Variants in GSG1L observed in about 807,000 individuals in gnomAD.
GSG1L encodes the protein GSG1 like, also known as germ cell-specific gene 1-like protein.
In GSG1L, 24 loss-of-function variants were observed where a neutral mutation model predicts 42.1. The ratio of observed to expected loss-of-function variants is 0.57; its 90% CI spans 0.41 to 0.80. The LOEUF (loss-of-function observed/expected upper bound fraction) is 0.80, where lower values mean the gene tolerates loss of function less well. Ranked by LOEUF, GSG1L falls within the 30% of genes least tolerant of loss-of-function variation. GSG1L has a pLI of 0.00. For missense variants in GSG1L, 445 were observed against 472.2 expected, an observed-to-expected ratio of 0.94 and a Z score of 0.53; for synonymous variants, 215 against 203.5, an observed-to-expected ratio of 1.06 and a Z score of -0.48.
intron 1 of GSG1L, among the ~76,000 whole-genome samples, chr16:28,056,673 C>T (rs1445968853): frequency 6.6e-6 from 1 of 151,994 alleles, no homozygotes; most frequent in Non-Finnish European, 1.5e-5. Context: ...GTGCTGCCTC[C>T]GAGAGCCTGG....
chr16:27,830,640 G>A (rs1024956708), intron 4 of GSG1L, among the ~76,000 whole-genome samples: 5 of 152,134 alleles, frequency 3.3e-5, no homozygotes, highest in Non-Finnish European at 7.3e-5. Flanking sequence ...GAGCTTCCCT[G>A]TCCACCAAAG....
At chr16:28,024,940 G>T (rs2085883454) in intron 1 of GSG1L, among the ~76,000 whole-genome samples, 1 of 152,168 alleles carries the variant, frequency 6.6e-6, no homozygotes, top group African/African-American at 2.4e-5. Flanking sequence ...AGCCCTCAAA[G>T]TGCCCAGCAC....
chr16:27,790,855 C>T lies in GSG1L; in HGVS notation c.*515G>A. On this transcript the variant is annotated 3_prime_UTR_variant, in exon 7 of 7. Transcript: ENST00000447459. ...GGGTGGGGCAATGACAGGGCAGCCACAGCCCACAGAGCAACTGGCCTCCAT... is the reference window on the plus strand; with the variant it reads ...GGGTGGGGCAATGACAGGGCAGCCATAGCCCACAGAGCAACTGGCCTCCAT... 1 of 152,900 alleles carries T rather than the reference C, an allele frequency of 6.5e-6. No individual in the cohort carries two copies. Among genetic ancestry groups the T allele is most frequent in the Non-Finnish European group, 1.5e-5 (1 of 68,420 alleles). 9.5% of individuals were successfully genotyped at this position (152,900 alleles called of 1,614,324 possible). A position where few individuals can be genotyped will look rare whatever the true frequency, so the allele number is the denominator to read the frequency against.
At chr16:27,961,668 G>T (rs1471911592) in intron 2 of GSG1L, among the ~76,000 whole-genome samples, 1 of 152,184 alleles carries the variant, frequency 6.6e-6, no homozygotes, top group Non-Finnish European at 1.5e-5. Context: ...GCCATGCAGT[G>T]GTCATATTAT....
intron 1 of GSG1L, among the ~76,000 whole-genome samples, chr16:28,019,711 G>A (rs952046224): frequency 7.9e-5 from 12 of 152,202 alleles, no homozygotes; most frequent in African/African-American, 2.7e-4. Flanking sequence ...CGTCCAAAGG[G>A]TCACTGTAAT....
intron 5 of GSG1L, among the ~76,000 whole-genome samples, chr16:27,827,903 C>CATCT (rs1567473219): frequency 7.1e-5 from 5 of 69,982 alleles, no homozygotes; most frequent in Non-Finnish European, 1.4e-4. Flanking sequence ...TCCATCCATC[C>CATCT]CTTCACCTAC....
intron 1 of GSG1L, among the ~76,000 whole-genome samples, chr16:28,035,056 C>G (rs1361699748): frequency 6.6e-6 from 1 of 152,160 alleles, no homozygotes; most frequent in Non-Finnish European, 1.5e-5. Context: ...ACTCTGTCTC[C>G]CAGGCTGGAG....
chr16:27,812,919 A>T (rs1416913905), intron 5 of GSG1L, among the ~76,000 whole-genome samples: 1 of 151,938 alleles, frequency 6.6e-6, no homozygotes, highest in Non-Finnish European at 1.5e-5. Context: ...AGCTGGGACT[A>T]CGGTCGTGCA....
chr16:27,882,135 G>A (rs1169537166), intron 3 of GSG1L, among the ~76,000 whole-genome samples: 1 of 152,144 alleles, frequency 6.6e-6, no homozygotes, highest in Admixed American at 6.5e-5. Context: ...TTCTCATGCT[G>A]TTCTCCTGAT....
rs957904057 is a variant in GSG1L, at chr16:27,788,380, C to A, written c.*2990G>T. ...GTTGCGGTGATCTTCCTCAAATGTA[C>A]ACCCAGGCGCATCCCAGTCTGCTAA... On this transcript the variant is annotated 3_prime_UTR_variant, in exon 7 of 7. Coordinates refer to ENST00000447459, the MANE Select transcript of GSG1L (RefSeq NM_001109763.2). 1.3e-5 allele frequency: 2 copies of A among 152,198 alleles called. No individual in the cohort carries two copies. Among genetic ancestry groups the A allele is most frequent in the Non-Finnish European group, 2.9e-5 (2 of 68,062 alleles). 9.4% of individuals were successfully genotyped at this position (152,198 alleles called of 1,614,324 possible).
intron 1 of GSG1L, among the ~76,000 whole-genome samples, chr16:28,049,514 C>A (rs1338109049): frequency 7.5e-5 from 11 of 146,188 alleles, no homozygotes; most frequent in Admixed American, 7.4e-4. Context: ...GACCCCACCT[C>A]TAAAAAAAAA....
In GSG1L at chr16:27,993,425, C is replaced by A. The variant is rs181614438; in HGVS notation, c.350-30222G>T. On this transcript the variant is annotated intron_variant, in intron 1 of 6. Coordinates refer to ENST00000447459, the MANE Select transcript of GSG1L (RefSeq NM_001109763.2). ...TGCTGGGATTACAGGCAAGAGCCAC[C>A]GCACCTGGCCTAGAGTCCCCACTTT... Among the ~76,000 whole-genome samples, 538 of 152,230 alleles carry A rather than the reference C, an allele frequency of 3.5e-3. 1 individual carries two copies. Among genetic ancestry groups the A allele is most frequent in the African/African-American group, 0.012 (502 of 41,520 alleles).
intron 2 of GSG1L, among the ~76,000 whole-genome samples, chr16:27,960,398 G>A (rs145456919): frequency 1.1e-4 from 17 of 152,268 alleles, no homozygotes; most frequent in African/African-American, 3.6e-4. Flanking sequence ...AGTAACTACC[G>A]TATGAAAGCC....
chr16:27,849,093 G>A (rs1381865957), intron 3 of GSG1L, among the ~76,000 whole-genome samples: 1 of 151,352 alleles, frequency 6.6e-6, no homozygotes, highest in African/African-American at 2.4e-5. Flanking sequence ...GGAGGCTGAA[G>A]CAGGAGAATC....
intron 1 of GSG1L, among the ~76,000 whole-genome samples, 200 bp from the exon 2 acceptor site, chr16:27,963,403 A>G (rs1325789779): frequency 6.6e-6 from 1 of 151,850 alleles, no homozygotes. Flanking sequence ...CCACCTCCTG[A>G]CCCCATCCAT....
At chr16:27,921,976 A>ATTG (rs1390409643) in intron 2 of GSG1L, among the ~76,000 whole-genome samples, 53 of 133,400 alleles carry the variant, frequency 4.0e-4, no homozygotes, top group Non-Finnish European at 6.9e-4. Flanking sequence ...CTCTGTTTTT[A>ATTG]TTGTTGTTGT....
At chr16:28,035,996 CAA>C (rs1369829044) in intron 1 of GSG1L, among the ~76,000 whole-genome samples, 2 of 152,134 alleles carry the variant, frequency 1.3e-5, no homozygotes, top group Non-Finnish European at 2.9e-5. Flanking sequence ...AGAATTAGCC[CAA>C]GAGTGAGGCA....
chr16:28,059,133 C>T lies in GSG1L; in HGVS notation c.349+3943G>A, dbSNP rs377725271. 1.4e-4 allele frequency among the ~76,000 whole-genome samples: 22 copies of T among 152,298 alleles called. No individual in the cohort carries two copies. In the South Asian group the frequency reaches 1.9e-3, roughly 13 times the overall value. ...CGTCACCAAATCCTTGCATCTCCGG[C>T]GGGTGCTAGCTGCTCTGATCCCCAC... On this transcript the variant is annotated intron_variant, in intron 1 of 6. Transcript: ENST00000447459. This position sits in a 1 kb window ranked among gnomAD's most constrained non-coding sequence, Gnocchi z 4.4.
At chr16:27,955,140 A>T (rs1345848363) in intron 2 of GSG1L, among the ~76,000 whole-genome samples, 2 of 152,244 alleles carry the variant, frequency 1.3e-5, no homozygotes, top group Non-Finnish European at 1.5e-5. Context: ...TTAAAATAAG[A>T]TAGGCAAAAG....
Sources: allele counts gnomAD v4.1 joint callset (sites outside exome capture counted in the v4.1 genomes callset), GRCh38; gene constraint gnomAD v4.1.1; non-coding constraint Gnocchi (gnomAD v3.1); transcripts MANE v1.5; gene names NCBI Gene and HGNC (gene_info 2026-07-23, HGNC 2026-07-21).